TUBGCP6: variants seen among roughly 807,000 people sequenced by gnomAD.
The protein encoded by TUBGCP6 is gamma-tubulin complex component 6.
Under a neutral mutation model 175.8 loss-of-function variants are expected in TUBGCP6, and 161 were observed. That is an observed-to-expected ratio of 0.92 (90% CI 0.81 to 1.04). The LOEUF is 1.04. TUBGCP6 is among the 50% of genes least tolerant of loss of function. TUBGCP6 has a pLI of 0.00. For missense variants in TUBGCP6, 2,572 were observed against 2,433.0 expected, an observed-to-expected ratio of 1.06 and a Z score of -1.20; for synonymous variants, 1,173 against 1,030.5, an observed-to-expected ratio of 1.14 and a Z score of -2.65.
intron 3 of TUBGCP6, among the ~76,000 whole-genome samples, chr22:50,232,214 A>G (rs2064702126): frequency 6.6e-6 from 1 of 151,368 alleles, no homozygotes; most frequent in Admixed American, 6.6e-5. Context: ...AAAAATACAA[A>G]AATTAGCCAG....
At chr22:50,226,888 C>T in intron 6 of TUBGCP6, 46 bp from the exon 7 acceptor site, 1 of 1,558,910 alleles carries the variant, frequency 6.4e-7, no homozygotes, top group Non-Finnish European at 8.7e-7. Flanking sequence ...GCACCCAGCG[C>T]TGGGAGTGAG....
intron 3 of TUBGCP6, among the ~76,000 whole-genome samples, chr22:50,231,081 CAAAAA>C (rs35669469): frequency 4.0e-3 from 92 of 22,818 alleles, no homozygotes; most frequent in Middle Eastern, 0.067. Context: ...GACTCTATCT[CAAAAA>C]AAAAAAAAAA....
chr22:50,219,878 G>A, intron 17 of TUBGCP6, 79 bp downstream of exon 17: 3 of 1,603,606 alleles, frequency 1.9e-6, no homozygotes, highest in Non-Finnish European at 2.6e-6. Flanking sequence ...AATCGCATGT[G>A]GGACCCACCC....
Position 50,220,568 on chromosome 22 carries a change from G to A in TUBGCP6, c.3791C>T (p.Pro1264Leu). 1 of 1,613,656 alleles carries A rather than the reference G, an allele frequency of 6.2e-7. No individual in the cohort carries two copies. The highest frequency in any genetic ancestry group is 8.5e-7 in the Non-Finnish European group (1 of 1,180,012). Residue 1264 changes from proline (P) to leucine (L), a missense_variant, in exon 16 of 25, where the codon CCA becomes CTA. Physicochemically the swap from Pro to Leu is moderately conservative, Grantham distance 98. Coordinates refer to ENST00000248846, the MANE Select transcript of TUBGCP6 (RefSeq NM_020461.4). ...EPVSDVVSTR[P>L]RWNTHVPIPP... Reference sequence around the variant, plus strand: ...GATGGGTACATGGGTGTTCCACCGTGGCCGGGTGGAAACCACATCCGACAC... The same window carrying A: ...GATGGGTACATGGGTGTTCCACCGTAGCCGGGTGGAAACCACATCCGACAC...
rs777314274 is a variant in TUBGCP6, at chr22:50,219,083, G to A, written c.4611C>T (p.Asp1537=). 8 of 1,612,480 alleles carry A rather than the reference G, an allele frequency of 5.0e-6. No individual in the cohort carries two copies. The highest frequency in any genetic ancestry group is 5.1e-6 in the Non-Finnish European group (6 of 1,179,958). Residue 1537 remains aspartate, a synonymous_variant, in exon 20 of 25, where the codon GAC becomes GAT. Transcript: ENST00000248846. The part of the protein sequence containing the change: ...EDGEFAQSLS[D]LLFEKLGAGQ... ...CGGAGGCCACCTTCTCAAAGAGCAGGTCGCTGAGGGACTGGGCGAACTCGC... is the reference window on the plus strand; with the variant it reads ...CGGAGGCCACCTTCTCAAAGAGCAGATCGCTGAGGGACTGGGCGAACTCGC...
intron 4 of TUBGCP6, among the ~76,000 whole-genome samples, chr22:50,228,876 C>T (rs905136862): frequency 6.6e-6 from 1 of 152,138 alleles, no homozygotes; most frequent in Non-Finnish European, 1.5e-5. Flanking sequence ...CTCTCAATCC[C>T]CCAAACCCAA....
In TUBGCP6 at chr22:50,229,493, C is replaced by T; in HGVS notation, c.1201G>A (p.Ala401Thr). Residue 401 changes from alanine (A) to threonine (T), a missense_variant, in exon 4 of 25, where the codon GCC becomes ACC. Coordinates refer to ENST00000248846, the MANE Select transcript of TUBGCP6 (RefSeq NM_020461.4). ...ESISSLLSEVAEYGTCYTRLS... is the reference protein window; with the variant it reads ...ESISSLLSEVTEYGTCYTRLS... ...CGCGTGTAGCAGGTCCCATACTCGG[C>T]CACTTCCGAGAGCAGGCTGCTGATG... is the stretch of plus-strand genomic sequence containing the variant. 2 of 1,611,808 alleles carry T rather than the reference C, an allele frequency of 1.2e-6. No homozygotes were observed. The highest frequency in any genetic ancestry group is 1.7e-6 in the Non-Finnish European group (2 of 1,179,232).
In TUBGCP6 at chr22:50,244,427, C is replaced by A. The variant is rs1487488760; in HGVS notation, c.33G>T (p.Leu11=). 2 of 1,612,820 alleles carry A rather than the reference C, an allele frequency of 1.2e-6. No individual in the cohort carries two copies. The highest frequency in any genetic ancestry group is 1.6e-4 in the Middle Eastern group (1 of 6,062). ...TGGCAGCCGGCAGGAGGGCCTCACA[C>A]AGGTCGTCGAACAGCTGCGTGATGC... MASITQLFDD[L]CEALLPAAKT... is the part of the protein sequence containing the mutation. The change falls in exon 1 of 25, where the codon CTG becomes CTT. Residue 11 remains leucine, a synonymous_variant. Transcript: ENST00000248846.
intron 3 of TUBGCP6, among the ~76,000 whole-genome samples, chr22:50,230,344 C>A (rs562402236): frequency 6.6e-6 from 1 of 152,076 alleles, no homozygotes; most frequent in Non-Finnish European, 1.5e-5. Flanking sequence ...TGGTGGCTCA[C>A]GCCTGTAATC....
In TUBGCP6 at chr22:50,227,275, C is replaced by T. The variant is rs570121904; in HGVS notation, c.1413-198G>A. 7.3e-4 allele frequency among the ~76,000 whole-genome samples: 111 copies of T among 152,232 alleles called. 2 individuals are homozygous for T. Among genetic ancestry groups the T allele is most frequent in the Admixed American group, 3.2e-3 (49 of 15,296 alleles). ...ACTCGTGTGCAGCCCTGTGCCCCTGCGCTGTCCACACACACCCCACTGAAG... is the reference window on the plus strand; with the variant it reads ...ACTCGTGTGCAGCCCTGTGCCCCTGTGCTGTCCACACACACCCCACTGAAG... On this transcript the variant is annotated intron_variant, in intron 5 of 24. Transcript: ENST00000248846.
intron 2 of TUBGCP6, among the ~76,000 whole-genome samples, chr22:50,239,963 C>T (rs939735559): frequency 2.0e-5 from 3 of 152,036 alleles, no homozygotes; most frequent in East Asian, 1.9e-4. Context: ...GAGTTCTGCC[C>T]GACAGGTGTG....
At chr22:50,226,935 C>T in intron 6 of TUBGCP6, 64 bp downstream of exon 6, 1 of 1,572,670 alleles carries the variant, frequency 6.4e-7, no homozygotes, top group Non-Finnish European at 8.6e-7. Context: ...CAGGGACACG[C>T]TCAGCCACCC....
At chr22:50,240,404 C>T in intron 1 of TUBGCP6, 37 bp from the exon 2 acceptor site, 9 of 1,612,146 alleles carry the variant, frequency 5.6e-6, no homozygotes, top group Non-Finnish European at 7.6e-6. Context: ...CCACTTATTG[C>T]TGTGTCCACG....
At chr22:50,218,977 A>G (rs548926600) in intron 20 of TUBGCP6, 80 bp from the exon 21 acceptor site, 1 of 1,590,622 alleles carries the variant, frequency 6.3e-7, no homozygotes, top group African/African-American at 1.3e-5. Flanking sequence ...GGGCTGTGCC[A>G]GAGCAGCAGG....
Position 50,219,326 on chromosome 22 carries a change from C to T in TUBGCP6, c.4446G>A (p.Val1482=), listed in dbSNP as rs1602505041. The change falls in exon 19 of 25, where the codon GTG becomes GTA. Residue 1482 remains valine (V), a synonymous_variant. Transcript: ENST00000248846. The stretch of plus-strand genomic sequence containing the variant: ...GTGCCGTGATGGAGCGCTTCATGAG[C>T]ACGGGCAGCGTCAGCAACTCGCTCA... The part of the protein sequence containing the change: ...VQLSELLTLP[V]LMKRSITAPL... 1 of 1,601,120 alleles carries T rather than the reference C, an allele frequency of 6.2e-7. No homozygotes were observed. Among genetic ancestry groups the T allele is most frequent in the African/African-American group, 1.3e-5 (1 of 74,986 alleles).
intron 10 of TUBGCP6, among the ~76,000 whole-genome samples, chr22:50,224,926 A>C (rs1277235213): frequency 1.3e-5 from 2 of 151,948 alleles, no homozygotes; most frequent in Non-Finnish European, 2.9e-5. Flanking sequence ...GTCTCAAAGA[A>C]AAAAAAAGCA....
chr22:50,219,755 C>T lies in TUBGCP6; in HGVS notation c.4204G>A (p.Glu1402Lys). The T allele has an allele frequency of 6.2e-7, 1 of 1,613,712 alleles. No individual in the cohort carries two copies. Among genetic ancestry groups the T allele is most frequent in the Middle Eastern group, 1.7e-4 (1 of 6,060 alleles). The change falls in exon 18 of 25, where the codon GAG (glutamate) becomes AAG (lysine). Residue 1402 changes from glutamate (E) to lysine (K), a missense_variant. Glu to Lys is a moderately conservative substitution (Grantham distance 56). Transcript: ENST00000248846. The stretch of plus-strand genomic sequence containing the variant: ...TCCGCCGCCGATGCCTCCGCCTCCT[C>T]ACCACGGCCTGGGCTGCTCTGGGCA... ...TAAQSSPGRG[E>K]EAEASAAEAQ...
chr22:50,224,331 C>T lies in TUBGCP6; in HGVS notation c.2154+1G>A, dbSNP rs1345559511. On this transcript the variant is annotated splice_donor_variant, in intron 12 of 24. Transcript: ENST00000248846. LOFTEE classifies it high-confidence loss of function. ...ACCCCGCAGGGACAGGTCCTACCCA[C>T]CTCCTGGTCCTTCACAAATTGTTCT... is the stretch of plus-strand genomic sequence containing the variant. 3.7e-6 allele frequency: 6 copies of T among 1,614,248 alleles called. No homozygotes were observed. Among genetic ancestry groups the T allele is most frequent in the Non-Finnish European group, 5.1e-6 (6 of 1,180,040 alleles).
Position 50,219,421 on chromosome 22 carries a change from G to C in TUBGCP6, c.4351C>G (p.Leu1451Val), listed in dbSNP as rs577375585. Residue 1451 changes from leucine to valine, a missense_variant, in exon 19 of 25, where the codon CTT (leucine) becomes GTT (valine). By Grantham distance (32) the Leu-to-Val change is conservative (BLOSUM62 1). Coordinates refer to ENST00000248846, the MANE Select transcript of TUBGCP6 (RefSeq NM_020461.4). ...ACGGGGAAGGCGAAGGCCCGGGGAA[G>C]CACGGGGCGCAAAAGATGAGCAATG... ...PPIAHLLRPV[L>V]PRAFAFPVDP... is the part of the protein sequence containing the mutation. 154 of 1,569,174 alleles carry C rather than the reference G, an allele frequency of 9.8e-5. No individual in the cohort carries two copies. Among genetic ancestry groups the C allele is most frequent in the Non-Finnish European group, 1.2e-4 (138 of 1,157,902 alleles).
Sources: gnomAD v4.1 joint callset for allele counts (sites outside exome capture counted in the v4.1 genomes callset) on GRCh38, gnomAD v4.1.1 for gene constraint, MANE v1.5 for transcripts, NCBI Gene and HGNC (gene_info 2026-07-23, HGNC 2026-07-21) for gene names.